Variants in RDH13 observed in about 807,000 individuals in gnomAD.
RDH13 encodes retinol dehydrogenase 13.
A neutral mutation model predicts 28.3 loss-of-function variants in RDH13; 35 were observed. That is an observed-to-expected ratio of 1.24 (90% confidence interval 0.95 to 1.64). The LOEUF is 1.64. Ranked by LOEUF, RDH13 falls within the 40% of genes most tolerant of loss-of-function variation. RDH13 has a pLI of 0.00. For synonymous variants in RDH13, 229 were observed against 198.5 expected (o/e 1.15, Z -1.29); for missense variants, 514 against 446.3 (o/e 1.15, Z -1.37).
chr19:55,062,921 G>T (rs1450135001), intron 1 of RDH13, 47 bp downstream of exon 1: 2 of 1,393,126 alleles, frequency 1.4e-6, no homozygotes, highest in Non-Finnish European at 9.4e-7. Flanking sequence ...CGGCCCCTGC[G>T]CTGGGGGCCC....
At chr19:55,056,291 C>A (rs1419209549) in intron 3 of RDH13, among the ~76,000 whole-genome samples, 1 of 152,064 alleles carries the variant, frequency 6.6e-6, no homozygotes, top group Admixed American at 6.6e-5. Flanking sequence ...TGGTGAAACC[C>A]CGTCTCTACT....
upstream of RDH13, chr19:55,063,894 G>T: frequency 6.5e-6 from 1 of 152,850 alleles, no homozygotes; most frequent in Non-Finnish European, 1.5e-5. Flanking sequence ...CACCAAACCG[G>T]GATGCACCTC....
downstream of RDH13, chr19:55,039,859 A>G (rs2074975130): frequency 2.0e-5 from 3 of 152,246 alleles, 1 homozygote; most frequent in South Asian, 6.2e-4. Context: ...AAAATATTAT[A>G]AAAGAATAAA....
downstream of RDH13, among the ~76,000 whole-genome samples, chr19:55,043,896 GC>G (rs1568675275): frequency 6.7e-6 from 1 of 149,648 alleles, no homozygotes; most frequent in African/African-American, 2.4e-5. Flanking sequence ...GGTGAAAGGG[GC>G]TTTCATCTCT....
At chr19:55,059,372 CACAT>C in intron 1 of RDH13, 97 bp from the exon 2 acceptor site, 2 of 722,986 alleles carry the variant, frequency 2.8e-6, no homozygotes, top group Non-Finnish European at 4.7e-6. Flanking sequence ...TGAGCTCACT[CACAT>C]ACCCCAACTG....
At chr19:55,057,860 G>C (rs546534056) in intron 2 of RDH13, among the ~76,000 whole-genome samples, 1 of 148,258 alleles carries the variant, frequency 6.7e-6, no homozygotes, top group Non-Finnish European at 1.5e-5. Context: ...CGGCTGGAGT[G>C]CTGGCGCCAT....
At chr19:55,059,391 A>G in intron 1 of RDH13, 116 bp from the exon 2 acceptor site, 1 of 661,428 alleles carries the variant, frequency 1.5e-6, no homozygotes. Flanking sequence ...CAACTGAAAC[A>G]CAGACATCAT....
upstream of RDH13, among the ~76,000 whole-genome samples, chr19:55,064,762 G>A (rs547551042): frequency 1.1e-4 from 16 of 149,460 alleles, 1 homozygote; most frequent in South Asian, 1.7e-3. Flanking sequence ...ACAGGCACGT[G>A]TCACCACACC....
chr19:55,060,626 C>G (rs1020806868), intron 1 of RDH13, among the ~76,000 whole-genome samples: 2 of 152,142 alleles, frequency 1.3e-5, no homozygotes, highest in African/African-American at 4.8e-5. Flanking sequence ...TATTTCTTTT[C>G]TCAGTCTCTC....
intron 6 of RDH13, chr19:55,046,474 G>C (rs1003867686): frequency 1.3e-5 from 2 of 151,544 alleles, no homozygotes; most frequent in Non-Finnish European, 2.9e-5. Flanking sequence ...TGGTGGCCAG[G>C]CTGGTCTCGA....
At chr19:55,049,261 C>T (rs1275657107) in intron 3 of RDH13, among the ~76,000 whole-genome samples, 1 of 152,174 alleles carries the variant, frequency 6.6e-6, no homozygotes, top group African/African-American at 2.4e-5. Flanking sequence ...GGGACTCCTT[C>T]CTGCCGGAGC....
At chr19:55,064,742 A>T (rs200097120), upstream of RDH13, among the ~76,000 whole-genome samples, 38 of 147,054 alleles carry the variant, frequency 2.6e-4, no homozygotes, top group South Asian at 6.6e-4. Flanking sequence ...CCTCCCGAGT[A>T]GCTGGGGCTA....
intron 6 of RDH13, 134 bp from the exon 7 acceptor site, chr19:55,045,443 T>A: frequency 1.6e-6 from 1 of 641,180 alleles, no homozygotes; most frequent in South Asian, 2.0e-5. Context: ...CTTGGCTGCC[T>A]CCATCTGCAG....
downstream of RDH13, chr19:55,043,190 C>T (rs968285129): frequency 1.3e-5 from 2 of 152,202 alleles, no homozygotes; most frequent in African/African-American, 4.8e-5. Flanking sequence ...TCACTTGAGC[C>T]CAGGAGTTTG....
In RDH13 at chr19:55,046,147, T is replaced by C. The variant is rs552905615; in HGVS notation, c.761-838A>G. On this transcript the variant is annotated intron_variant, in intron 6 of 6. Coordinates refer to ENST00000415061, the MANE Select transcript of RDH13 (RefSeq NM_001145971.2). ...TGCAATCTCAGCTACTTTGGGAGGC[T>C]GAGACAGGAGAATCACTTGAACCGA... is the stretch of plus-strand genomic sequence containing the variant. Among the ~76,000 whole-genome samples the C allele has an allele frequency of 3.4e-5, 5 of 148,818 alleles. No homozygotes were observed. The South Asian group carries it at 8.5e-4, about 25-fold the overall frequency.
At position 55,048,367 on chromosome 19, in the gene RDH13, A is replaced by G; in HGVS notation, c.620T>C (p.Ile207Thr). The G allele has an allele frequency of 1.2e-6, 2 of 1,614,170 alleles. No individual in the cohort carries two copies. The highest frequency in any genetic ancestry group is 2.7e-5 in the African/African-American group (2 of 75,056). ...GCTCAGCTCCTTGGTGAAGAGGACG[A>G]TGGCGAGCTTGCTCTGGCAGTAGGC... ...KAAYCQSKLA[I>T]VLFTKELSRR... The change falls in exon 5 of 7, where the codon ATC becomes ACC. Residue 207 changes from isoleucine to threonine, a missense_variant. Coordinates refer to ENST00000415061, the MANE Select transcript of RDH13 (RefSeq NM_001145971.2).
intron 1 of RDH13, among the ~76,000 whole-genome samples, chr19:55,062,081 C>T (rs1481606909): frequency 6.6e-6 from 1 of 151,910 alleles, no homozygotes; most frequent in South Asian, 2.1e-4. Context: ...CGTGCCATTG[C>T]ACTCCAGCCT....
intron 2 of RDH13, 77 bp from the exon 3 acceptor site, chr19:55,056,885 C>A: frequency 5.5e-6 from 7 of 1,281,032 alleles, no homozygotes; most frequent in Non-Finnish European, 7.6e-6. Context: ...TGAAAACATA[C>A]GTCTACACAA....
At chr19:55,058,332 G>C (rs1310830636) in intron 2 of RDH13, among the ~76,000 whole-genome samples, 1 of 150,976 alleles carries the variant, frequency 6.6e-6, no homozygotes, top group Non-Finnish European at 1.5e-5. Flanking sequence ...AGGTTGCAGT[G>C]AGCCAAGATC....
Sources: allele counts gnomAD v4.1 joint callset (sites outside exome capture counted in the v4.1 genomes callset), GRCh38; gene constraint gnomAD v4.1.1; transcripts MANE v1.5; gene names NCBI Gene and HGNC (gene_info 2026-07-23, HGNC 2026-07-21).